The following ENTHD1 variants were observed in gnomAD, a reference collection of about 807,000 sequenced individuals.
The protein encoded by ENTHD1 is ENTH domain containing 1, also known as ENTH domain-containing protein 1.
ENTHD1 carries 23 observed loss-of-function variants against 39.1 expected under a neutral mutation model. The ratio of observed to expected loss-of-function variants is 0.59; its 90% CI spans 0.42 to 0.83. ENTHD1 has a LOEUF of 0.83. Among genes scored for constraint, ENTHD1 ranks in the 40% least tolerant of loss-of-function variants. ENTHD1 has a pLI of 0.00. For missense variants in ENTHD1, 624 were observed against 705.4 expected (o/e 0.88, Z 1.31); for synonymous variants, 230 against 258.2 (o/e 0.89, Z 1.05).
intron 5 of ENTHD1, among the ~76,000 whole-genome samples, chr22:39,772,226 A>C (rs1255642118): frequency 1.3e-5 from 2 of 152,156 alleles, no homozygotes; most frequent in Non-Finnish European, 2.9e-5. Context: ...ATTGCAGTTC[A>C]TAATAGGGTG....
intron 6 of ENTHD1, among the ~76,000 whole-genome samples, chr22:39,745,918 A>C (rs2065101046): frequency 6.6e-6 from 1 of 152,116 alleles, no homozygotes. Context: ...TATTCATTGC[A>C]TGTAACCTGT....
chr22:39,868,717 C>T (rs766679512), intron 2 of ENTHD1, among the ~76,000 whole-genome samples: 2 of 152,166 alleles, frequency 1.3e-5, no homozygotes, highest in Non-Finnish European at 2.9e-5. Context: ...TATTCATAAA[C>T]TATGCATCTG....
chr22:39,793,978 T>C lies in ENTHD1; in HGVS notation c.832+27015A>G, dbSNP rs182712151. 7.9e-5 allele frequency among the ~76,000 whole-genome samples: 12 copies of C among 152,362 alleles called. No individual in the cohort carries two copies. In the East Asian group the frequency reaches 2.3e-3, roughly 29 times the overall value. The stretch of plus-strand genomic sequence containing the variant: ...GGTTTCATGTGATTTTAGGATTGTC[T>C]TTTCCATTTCTGTAAAAAATGACAC... On this transcript the variant is annotated intron_variant, in intron 5 of 6. Coordinates refer to ENST00000325157, the MANE Select transcript of ENTHD1 (RefSeq NM_152512.4).
chr22:39,769,242 T>A (rs2065303220), intron 5 of ENTHD1, among the ~76,000 whole-genome samples: 1 of 152,126 alleles, frequency 6.6e-6, no homozygotes, highest in Non-Finnish European at 1.5e-5. Context: ...CAGCAACAAT[T>A]TGAACATGTT....
rs2065087771 is a variant in ENTHD1, at chr22:39,744,392, A to C, written c.1220-109T>G. On this transcript the variant is annotated intron_variant, in intron 6 of 6. Transcript: ENST00000325157. ...CTATCTGGAAGGGCTCAACATAAATAAACTGCTTAGAATTTTAAATGTTAA... is the reference window on the plus strand; with the variant it reads ...CTATCTGGAAGGGCTCAACATAAATCAACTGCTTAGAATTTTAAATGTTAA... The C allele has an allele frequency of 3.9e-6, 4 of 1,013,046 alleles. No homozygotes were observed. The Admixed American group carries it at 1.2e-4, about 32-fold the overall frequency. 62.8% of individuals were successfully genotyped at this position (1,013,046 alleles called of 1,614,324 possible).
intron 5 of ENTHD1, among the ~76,000 whole-genome samples, chr22:39,809,013 C>T (rs1249499634): frequency 6.6e-6 from 1 of 152,182 alleles, no homozygotes; most frequent in Non-Finnish European, 1.5e-5. Flanking sequence ...TTGATACCCT[C>T]TCGAATTTCT....
chr22:39,772,079 C>T (rs1253521202), intron 5 of ENTHD1, among the ~76,000 whole-genome samples: 1 of 152,164 alleles, frequency 6.6e-6, no homozygotes, highest in Non-Finnish European at 1.5e-5. Context: ...AGCTTTTTGG[C>T]ACCAGGGACT....
chr22:39,838,955 G>C (rs571613058), intron 3 of ENTHD1, among the ~76,000 whole-genome samples: 2 of 151,990 alleles, frequency 1.3e-5, no homozygotes, highest in African/African-American at 2.4e-5. Flanking sequence ...TTAAATGAAT[G>C]ACTACAGTTA....
At chr22:39,857,634 C>T (rs1011206476) in intron 3 of ENTHD1, among the ~76,000 whole-genome samples, 3 of 152,028 alleles carry the variant, frequency 2.0e-5, no homozygotes. Flanking sequence ...GTTCCCTCTG[C>T]CTGATATACA....
At chr22:39,796,869 TG>T (rs1217560636) in intron 5 of ENTHD1, among the ~76,000 whole-genome samples, 2 of 152,220 alleles carry the variant, frequency 1.3e-5, no homozygotes, top group Non-Finnish European at 2.9e-5. Flanking sequence ...GTTCTATAGA[TG>T]GCTGTTAGGT....
At position 39,808,796 on chromosome 22, in the gene ENTHD1, G is replaced by A. The variant is rs543880868; in HGVS notation, c.832+12197C>T. ...TTTAAATGTACTTACCACCCTTCTG[G>A]TCTTTTAATTGACTTCTACTGCAAG... On this transcript the variant is annotated intron_variant, in intron 5 of 6. Coordinates refer to ENST00000325157, the MANE Select transcript of ENTHD1 (RefSeq NM_152512.4). Among the ~76,000 whole-genome samples the A allele has an allele frequency of 9.9e-5, 15 of 152,208 alleles. No homozygotes were observed. In the South Asian group the frequency reaches 3.1e-3, roughly 32 times the overall value.
Position 39,835,928 on chromosome 22 carries a change from T to A in ENTHD1, c.623A>T (p.Glu208Val), listed in dbSNP as rs1432923277. ...AGGCAAATGAACATCTTGGCAATGC[T>A]CTTGTTTCAATCCTGCCTTGCACAC... is the stretch of plus-strand genomic sequence containing the variant. ...RNVCKAGLKQ[E>V]HCQDVHLPTE... The change falls in exon 4 of 7, where the codon GAG becomes GTG. Residue 208 changes from glutamate (E) to valine (V), a missense_variant. Glu to Val is a moderately radical substitution (Grantham distance 121). Transcript: ENST00000325157. 2.5e-6 allele frequency: 4 copies of A among 1,608,980 alleles called. No individual in the cohort carries two copies. Among genetic ancestry groups the A allele is most frequent in the Non-Finnish European group, 3.4e-6 (4 of 1,177,352 alleles).
At chr22:39,876,993 C>G (rs1343894609) in intron 2 of ENTHD1, among the ~76,000 whole-genome samples, 2 of 152,144 alleles carry the variant, frequency 1.3e-5, no homozygotes, top group East Asian at 3.9e-4. Flanking sequence ...CATAAATGGA[C>G]TGTGACAGAG....
At chr22:39,784,061 G>A (rs959815947) in intron 5 of ENTHD1, among the ~76,000 whole-genome samples, 2 of 151,642 alleles carry the variant, frequency 1.3e-5, no homozygotes, top group Non-Finnish European at 3.0e-5. Context: ...AGCAAAAAAA[G>A]ATATGATTAA....
At chr22:39,769,685 G>C (rs2065306836) in intron 5 of ENTHD1, among the ~76,000 whole-genome samples, 1 of 152,038 alleles carries the variant, frequency 6.6e-6, no homozygotes, top group Non-Finnish European at 1.5e-5. Flanking sequence ...AGTATGGGGT[G>C]GAGCATCAAC....
chr22:39,832,728 T>A (rs2065878673), intron 4 of ENTHD1, among the ~76,000 whole-genome samples: 1 of 152,072 alleles, frequency 6.6e-6, no homozygotes, highest in Admixed American at 6.5e-5. Context: ...AGGAACGACA[T>A]CAAAATGAGA....
At chr22:39,836,055 CCTT>C in intron 3 of ENTHD1, 97 bp from the exon 4 acceptor site, 1 of 782,234 alleles carries the variant, frequency 1.3e-6, no homozygotes, top group Admixed American at 2.6e-5. Flanking sequence ...TCTGAAGATA[CCTT>C]TTTTTCCTGC....
chr22:39,827,001 C>A (rs2065831990), intron 4 of ENTHD1, among the ~76,000 whole-genome samples: 1 of 151,620 alleles, frequency 6.6e-6, no homozygotes. Context: ...GCGCATGCCA[C>A]CATGCCCAAC....
chr22:39,756,329 C>T (rs1601570594), intron 6 of ENTHD1, among the ~76,000 whole-genome samples: 1 of 151,512 alleles, frequency 6.6e-6, no homozygotes, highest in African/African-American at 2.4e-5. Flanking sequence ...CACACACACA[C>T]ACACACACAC....
Sources: gnomAD v4.1 joint callset for allele counts (sites outside exome capture counted in the v4.1 genomes callset) on GRCh38, gnomAD v4.1.1 for gene constraint, MANE v1.5 for transcripts, NCBI Gene and HGNC (gene_info 2026-07-23, HGNC 2026-07-21) for gene names.